Variants in MEGF6 observed in about 807,000 individuals in gnomAD.
The protein encoded by MEGF6 is multiple EGF like domains 6.
In MEGF6, 184 loss-of-function variants were observed where a neutral mutation model predicts 207.1. The ratio of observed to expected loss-of-function variants is 0.89; its 90% CI spans 0.79 to 1.00. The LOEUF is 1.00. Ranked by LOEUF, MEGF6 falls within the 50% of genes least tolerant of loss-of-function variation. The pLI is 0.00. For missense variants in MEGF6, 2,282 were observed against 2,202.9 expected (o/e 1.04, Z -0.72); for synonymous variants, 1,038 against 910.0 (o/e 1.14, Z -2.53).
intron 4 of MEGF6, among the ~76,000 whole-genome samples, chr1:3,543,886 C>T (rs1422013126): frequency 1.3e-5 from 2 of 152,212 alleles, no homozygotes; most frequent in African/African-American, 4.8e-5. Flanking sequence ...AGAGGCACAC[C>T]ACCTGCCGTG....
At chr1:3,611,581 C>A (rs1486730462), upstream of MEGF6, 26 of 236,016 alleles carry the variant, frequency 1.1e-4, no homozygotes, top group Admixed American at 1.3e-3. Flanking sequence ...TCCCGACCCG[C>A]CCTGGCTCGC....
At chr1:3,535,076 G>A (rs1557757783) in intron 4 of MEGF6, among the ~76,000 whole-genome samples, 2 of 152,164 alleles carry the variant, frequency 1.3e-5, no homozygotes, top group African/African-American at 2.4e-5. Flanking sequence ...TCTGGCCTCA[G>A]TTTCCTCATC....
chr1:3,595,142 T>C (rs1372040951), intron 3 of MEGF6, among the ~76,000 whole-genome samples, 196 bp downstream of exon 3: 3 of 152,244 alleles, frequency 2.0e-5, no homozygotes, highest in African/African-American at 4.8e-5. Context: ...CAGCTCTCTC[T>C]TTCCGCAGCT....
rs200457336 is a variant in MEGF6 at position 3,498,359 on chromosome 1, C to T, written c.3352+12G>A. 12 of 1,598,024 alleles carry T rather than the reference C, an allele frequency of 7.5e-6. No homozygotes were observed. The Admixed American group carries it at 8.4e-5, about 11-fold the overall frequency. On this transcript the variant is annotated intron_variant, in intron 26 of 36. Transcript: ENST00000356575. ...GGGCCTGCAGACCCCCCTGCTGCCCCGCCCCACTCACGGCTCTGACACTTG... is the reference window on the plus strand; with the variant it reads ...GGGCCTGCAGACCCCCCTGCTGCCCTGCCCCACTCACGGCTCTGACACTTG...
Position 3,579,858 on chromosome 1 carries a change from GAC to G in MEGF6, c.446_447del (p.Cys149SerfsTer12). On this transcript the variant is annotated frameshift_variant, in exon 4 of 37. Transcript: ENST00000356575. LOFTEE classifies it high-confidence loss of function. ...CAGCGGGGTCCCTGGAAGCCGGGGG[GAC>G]AGTGACACGGCTGGGCTGAGCCTGG... ...CVPGSAQPCHCPPGFQGPRCQ... is the reference protein window; with the variant it reads ...CVPGSAQPCHXPPGFQGPRCQ... 1 of 1,541,738 alleles carries G rather than the reference GAC, an allele frequency of 6.5e-7. No homozygotes were observed. The highest frequency in any genetic ancestry group is 1.4e-5 in the African/African-American group (1 of 70,192).
At chr1:3,574,603 GCC>G (rs1271265084) in intron 4 of MEGF6, among the ~76,000 whole-genome samples, 1 of 152,000 alleles carries the variant, frequency 6.6e-6, no homozygotes, top group East Asian at 1.9e-4. Context: ...GGGAACTGAG[GCC>G]CAAAAGGGAA....
intron 2 of MEGF6, among the ~76,000 whole-genome samples, chr1:3,598,327 C>A (rs1644103937): frequency 6.6e-6 from 1 of 152,218 alleles, no homozygotes; most frequent in South Asian, 2.1e-4. Context: ...GGCGGGCGGG[C>A]CGCTTCCCGG....
intron 34 of MEGF6, 106 bp downstream of exon 34, chr1:3,493,665 G>T (rs185310228): frequency 6.9e-7 from 1 of 1,454,542 alleles, no homozygotes; most frequent in Non-Finnish European, 9.3e-7. Flanking sequence ...AACAAGAGGG[G>T]TTGGTGGCCA....
At chr1:3,620,041 A>G in the MEGF6 span, among the ~76,000 whole-genome samples, 2 of 146,382 alleles carry the variant, frequency 1.4e-5, no homozygotes, top group Non-Finnish European at 3.1e-5. Context: ...ATATTTTAGT[A>G]AAGAGACTAG....
chr1:3,494,113 CA>C lies in MEGF6; in HGVS notation c.4140del (p.Gly1381AlafsTer137). The C allele has an allele frequency of 1.3e-6, 2 of 1,570,254 alleles. No individual in the cohort carries two copies. The highest frequency in any genetic ancestry group is 1.7e-6 in the Non-Finnish European group (2 of 1,157,394). ...CCCTGGCAGCCAGCCCCGTGGAAGC[CA>C]GGGGGACAGGCTGAAGGACGCCGGT... ...YGQACEHPCP[P>X]GFHGAGCQGL... is the part of the protein sequence containing the mutation. On this transcript the variant is annotated frameshift_variant, in exon 33 of 37. Coordinates refer to ENST00000356575, the MANE Select transcript of MEGF6 (RefSeq NM_001409.4). LOFTEE classifies it high-confidence loss of function.
At chr1:3,550,966 C>T (rs776579527) in intron 4 of MEGF6, among the ~76,000 whole-genome samples, 3 of 152,220 alleles carry the variant, frequency 2.0e-5, no homozygotes, top group Admixed American at 1.3e-4. Flanking sequence ...AGGCTCCAGC[C>T]GGCCAGGGCT....
chr1:3,571,866 G>A (rs1643506972), intron 4 of MEGF6, among the ~76,000 whole-genome samples: 1 of 145,296 alleles, frequency 6.9e-6, no homozygotes, highest in Admixed American at 6.8e-5. Flanking sequence ...GTCCTCCTGG[G>A]TGTCCTGGGT....
chr1:3,587,866 A>G (rs919386399), intron 3 of MEGF6, among the ~76,000 whole-genome samples: 76 of 74,646 alleles, frequency 1.0e-3, no homozygotes, highest in African/African-American at 1.3e-3. Context: ...CCAGGAGGGG[A>G]CAGGAGTGGC....
intron 34 of MEGF6, 89 bp downstream of exon 34, chr1:3,493,682 G>C: frequency 3.3e-6 from 5 of 1,530,214 alleles, no homozygotes; most frequent in Non-Finnish European, 4.4e-6. Flanking sequence ...GCCAGCCCAG[G>C]ACTGGCACAG....
At chr1:3,500,095 T>C (rs369658225) in intron 21 of MEGF6, among the ~76,000 whole-genome samples, 171 bp from the exon 22 acceptor site, 7 of 152,122 alleles carry the variant, frequency 4.6e-5, no homozygotes, top group African/African-American at 1.2e-4. Flanking sequence ...CCCACCCAGG[T>C]GGGGCCATGG....
chr1:3,499,538 C>G (rs1452352242), intron 23 of MEGF6, 50 bp downstream of exon 23: 1 of 1,545,776 alleles, frequency 6.5e-7, no homozygotes, highest in Non-Finnish European at 8.7e-7. Context: ...CTACGGAGGA[C>G]CTGGCACCCC....
intron 2 of MEGF6, among the ~76,000 whole-genome samples, chr1:3,602,198 G>A (rs2101880449): frequency 6.6e-6 from 1 of 152,270 alleles, no homozygotes; most frequent in South Asian, 2.1e-4. Flanking sequence ...CATCCTCCCG[G>A]GCTGGGCCCC....
intron 4 of MEGF6, among the ~76,000 whole-genome samples, chr1:3,553,082 T>C (rs1642933373): frequency 6.6e-6 from 1 of 152,132 alleles, no homozygotes; most frequent in Admixed American, 6.5e-5. Flanking sequence ...CGCACAGCCC[T>C]GTTCTGAGGG....
intron 4 of MEGF6, among the ~76,000 whole-genome samples, chr1:3,539,702 T>C (rs912291696): frequency 6.2e-4 from 94 of 152,142 alleles, no homozygotes; most frequent in African/African-American, 2.2e-3. Context: ...GGCGCCTCGG[T>C]TTCCCCAGCC....
Sources: allele counts gnomAD v4.1 joint callset (sites outside exome capture counted in the v4.1 genomes callset), GRCh38; gene constraint gnomAD v4.1.1; transcripts MANE v1.5; gene names NCBI Gene and HGNC (gene_info 2026-07-23, HGNC 2026-07-21).